Variants in GPR176 observed in about 807,000 individuals in gnomAD.
The protein encoded by GPR176 is G-protein coupled receptor 176.
GPR176 carries 26 observed loss-of-function variants against 35.4 expected under a neutral mutation model. That is an observed-to-expected ratio of 0.74 (90% confidence interval 0.54 to 1.02). The LOEUF (loss-of-function observed/expected upper bound fraction) is 1.02. GPR176 is among the 50% of genes least tolerant of loss of function. The pLI, the probability that GPR176 is intolerant of heterozygous loss-of-function variation, is 0.00. For synonymous variants in GPR176, 278 were observed against 271.3 expected, an observed-to-expected ratio of 1.02 and a Z score of -0.24; for missense variants, 597 against 665.3, an observed-to-expected ratio of 0.90 and a Z score of 1.13.
At chr15:39,900,304 T>C (rs1399848459) in intron 1 of GPR176, among the ~76,000 whole-genome samples, 1 of 151,762 alleles carries the variant, frequency 6.6e-6, no homozygotes, top group Admixed American at 6.6e-5. Flanking sequence ...TTAATTTCAA[T>C]TAGTCAACAT....
intron 1 of GPR176, among the ~76,000 whole-genome samples, chr15:39,894,176 C>T: frequency 7.6e-6 from 1 of 131,016 alleles, no homozygotes; most frequent in Non-Finnish European, 1.7e-5. Flanking sequence ...GCTGGCCTGG[C>T]AGAGGGGCTC....
chr15:39,869,279 T>C (rs1379566859), intron 1 of GPR176, among the ~76,000 whole-genome samples: 1 of 151,938 alleles, frequency 6.6e-6, no homozygotes, highest in Non-Finnish European at 1.5e-5. Flanking sequence ...TTAGGTGAAA[T>C]AAAAAATACC....
chr15:39,809,934 AG>A (rs1352583837), intron 1 of GPR176, among the ~76,000 whole-genome samples: 4 of 152,102 alleles, frequency 2.6e-5, no homozygotes, highest in Non-Finnish European at 4.4e-5. Flanking sequence ...TCACGAGGTC[AG>A]GAGATCGAGA....
At chr15:39,809,867 C>T (rs566111842) in intron 1 of GPR176, among the ~76,000 whole-genome samples, 79 of 152,108 alleles carry the variant, frequency 5.2e-4, no homozygotes, top group Non-Finnish European at 7.4e-4. Flanking sequence ...GAGTGATGGC[C>T]GGGCGCGGTG....
chr15:39,816,160 G>T (rs567944530), intron 1 of GPR176, among the ~76,000 whole-genome samples: 90 of 152,294 alleles, frequency 5.9e-4, no homozygotes, highest in African/African-American at 2.1e-3. Context: ...AGAGATACTG[G>T]TCAAAGGACA....
chr15:39,900,362 T>C (rs1363522224), intron 1 of GPR176, among the ~76,000 whole-genome samples: 3 of 152,196 alleles, frequency 2.0e-5, no homozygotes. Flanking sequence ...TAAACCTACA[T>C]TCTTCATCCA....
intron 1 of GPR176, among the ~76,000 whole-genome samples, chr15:39,837,639 T>C (rs1378457463): frequency 1.3e-5 from 2 of 152,144 alleles, no homozygotes; most frequent in Admixed American, 6.6e-5. Context: ...GTAGTAGTAG[T>C]AGCAGCTAAC....
chr15:39,841,179 T>C (rs1308428942), intron 1 of GPR176, among the ~76,000 whole-genome samples: 2 of 152,142 alleles, frequency 1.3e-5, no homozygotes, highest in East Asian at 3.9e-4. Context: ...TTATTAAGGA[T>C]GAATCCTGCT....
At chr15:39,851,021 T>C (rs767383069) in intron 1 of GPR176, among the ~76,000 whole-genome samples, 2 of 152,136 alleles carry the variant, frequency 1.3e-5, no homozygotes, top group Non-Finnish European at 2.9e-5. Context: ...TGTTTGTTGA[T>C]AAATTAGCTG....
intron 1 of GPR176, among the ~76,000 whole-genome samples, chr15:39,879,200 G>A (rs750147912): frequency 5.3e-5 from 8 of 152,126 alleles, no homozygotes; most frequent in African/African-American, 1.9e-4. Flanking sequence ...TAAGTGATTC[G>A]CCCAGGTCCA....
intron 1 of GPR176, among the ~76,000 whole-genome samples, chr15:39,893,696 A>C (rs1388029783): frequency 1.7e-3 from 197 of 117,972 alleles, no homozygotes; most frequent in East Asian, 2.5e-3. Flanking sequence ...AGAGGCGCCC[A>C]TCACCTCCCG....
intron 1 of GPR176, chr15:39,813,729 TA>T (rs924774935): frequency 1.3e-5 from 2 of 152,204 alleles, no homozygotes; most frequent in Non-Finnish European, 1.5e-5. Flanking sequence ...AATAGCTACA[TA>T]AAGGCAACAG....
rs189399405 is a variant in GPR176 at position 39,823,547 on chromosome 15, G to A, written c.173-16289C>T. On this transcript the variant is annotated intron_variant, in intron 1 of 2. Coordinates refer to ENST00000561100, the MANE Select transcript of GPR176 (RefSeq NM_007223.3). ...ATCCCCACTAGCACCACTCTGGCCT[G>A]TCACCCTCACCTCCACTGCTGCAGC... 1.8e-3 allele frequency among the ~76,000 whole-genome samples: 268 copies of A among 152,220 alleles called. 3 individuals carry two copies. The highest frequency in any genetic ancestry group is 6.1e-3 in the African/African-American group (252 of 41,522).
Position 39,803,501 on chromosome 15 carries a change from G to A in GPR176, c.426-1247C>T, listed in dbSNP as rs148927900. Among the ~76,000 whole-genome samples, 550 of 151,802 alleles carry A rather than the reference G, an allele frequency of 3.6e-3. 3 individuals carry two copies. Among genetic ancestry groups the A allele is most frequent in the Non-Finnish European group, 6.1e-3 (414 of 67,920 alleles). ...CGCCATGTTGGCCCAGGCTGGTCTC[G>A]AACTCCTAACCTCAGCTGATCCACC... On this transcript the variant is annotated intron_variant, in intron 2 of 2. Transcript: ENST00000561100.
intron 1 of GPR176, among the ~76,000 whole-genome samples, chr15:39,883,217 T>C (rs1248497906): frequency 6.6e-6 from 1 of 152,210 alleles, no homozygotes; most frequent in Non-Finnish European, 1.5e-5. Flanking sequence ...TGACAGACTC[T>C]AATTATAACG....
chr15:39,864,289 C>T (rs752112078), intron 1 of GPR176, among the ~76,000 whole-genome samples: 10 of 152,086 alleles, frequency 6.6e-5, no homozygotes, highest in Non-Finnish European at 1.3e-4. Context: ...ATTAAACTGT[C>T]ACCACATCAA....
At position 39,801,066 on chromosome 15, in the gene GPR176, C is replaced by T; in HGVS notation, c.*66G>A. 7.3e-7 allele frequency: 1 copy of T among 1,372,084 alleles called. No individual in the cohort carries two copies. Among genetic ancestry groups the T allele is most frequent in the Non-Finnish European group, 1.0e-6 (1 of 996,370 alleles). The allele number at this position is 1,372,084 out of a possible 1,614,324, so 85.0% of individuals were successfully genotyped here. On this transcript the variant is annotated 3_prime_UTR_variant, in exon 3 of 3. Coordinates refer to ENST00000561100, the MANE Select transcript of GPR176 (RefSeq NM_007223.3). ...AGGAGATCATACAATCACATGGCCA[C>T]AGCATTCCCACACTCTGGTGGGAAT...
At chr15:39,883,151 C>T (rs1296405384) in intron 1 of GPR176, among the ~76,000 whole-genome samples, 1 of 152,168 alleles carries the variant, frequency 6.6e-6, no homozygotes, top group Admixed American at 6.5e-5. Context: ...CAGTTTCAAT[C>T]TGAATTATCC....
intron 1 of GPR176, among the ~76,000 whole-genome samples, chr15:39,918,771 G>T (rs1166267880): frequency 6.6e-6 from 1 of 152,086 alleles, no homozygotes; most frequent in Non-Finnish European, 1.5e-5. Flanking sequence ...AGAGTAAAAT[G>T]GAATGATGAC....
Sources: allele counts gnomAD v4.1 joint callset (sites outside exome capture counted in the v4.1 genomes callset), GRCh38; gene constraint gnomAD v4.1.1; transcripts MANE v1.5; gene names NCBI Gene and HGNC (gene_info 2026-07-23, HGNC 2026-07-21).